Variants in QTMAN observed in about 807,000 individuals in gnomAD.
The protein encoded by QTMAN is queuosine-tRNA mannosyltransferase, also known as tRNA-queuosine alpha-mannosyltransferase.
chr2:144,018,816 C>A, the QTMAN span, among the ~76,000 whole-genome samples: 2 of 152,076 alleles, frequency 1.3e-5, no homozygotes, highest in Admixed American at 1.3e-4. Flanking sequence ...GTGCTTCAAT[C>A]AGGAAAGAAT....
the QTMAN span, among the ~76,000 whole-genome samples, chr2:144,019,433 C>CAGGTGTGT: frequency 5.9e-5 from 4 of 67,472 alleles, no homozygotes; most frequent in South Asian, 2.8e-3. Flanking sequence ...CATAAGCATG[C>CAGGTGTGT]AGGTGTGTGT....
chr2:144,230,835 T>C, the QTMAN span, among the ~76,000 whole-genome samples: 10 of 152,224 alleles, frequency 6.6e-5, no homozygotes, highest in African/African-American at 2.4e-4. Context: ...TGAGAAGATT[T>C]AGGACAGGGA....
chr2:144,030,461 T>C, the QTMAN span, among the ~76,000 whole-genome samples: 1 of 152,182 alleles, frequency 6.6e-6, no homozygotes, highest in Non-Finnish European at 1.5e-5. Flanking sequence ...CATGTCCCTT[T>C]GTTTTTTCTT....
chr2:144,209,124 T>C, the QTMAN span, among the ~76,000 whole-genome samples: 2 of 152,242 alleles, frequency 1.3e-5, no homozygotes, highest in East Asian at 3.8e-4. Context: ...ATCACTCACT[T>C]CCTGGTTTGT....
At chr2:144,154,433 T>A in the QTMAN span, among the ~76,000 whole-genome samples, 1 of 152,166 alleles carries the variant, frequency 6.6e-6, no homozygotes, top group East Asian at 1.9e-4. Context: ...GTTTCTAGCT[T>A]ACATAATCAG....
the QTMAN span, among the ~76,000 whole-genome samples, chr2:144,327,452 T>C: frequency 5.9e-5 from 9 of 152,122 alleles, no homozygotes; most frequent in Non-Finnish European, 7.3e-5. Flanking sequence ...CGAGCTACCA[T>C]TGAACTGCAT....
chr2:144,276,699 G>A, the QTMAN span, among the ~76,000 whole-genome samples: 4 of 152,246 alleles, frequency 2.6e-5, no homozygotes, highest in African/African-American at 4.8e-5. Context: ...TCAGGGAAAC[G>A]ACAATGATAA....
At chr2:144,262,606 G>A in the QTMAN span, among the ~76,000 whole-genome samples, 1 of 128,904 alleles carries the variant, frequency 7.8e-6, no homozygotes, top group Non-Finnish European at 1.7e-5. Flanking sequence ...GAGAGGAGGG[G>A]AGGGGAGATA....
the QTMAN span, among the ~76,000 whole-genome samples, chr2:144,318,181 C>A: frequency 7.1e-6 from 1 of 141,246 alleles, no homozygotes; most frequent in Non-Finnish European, 1.5e-5. Context: ...GTGCCTGCTG[C>A]TCTATTTAAA....
At chr2:144,314,999 C>T in the QTMAN span, among the ~76,000 whole-genome samples, 1 of 152,106 alleles carries the variant, frequency 6.6e-6, no homozygotes. Context: ...GATCCTTGTG[C>T]CTCAGCTTCC....
At chr2:144,123,095 AAAAATTGTTAAATTACCT>A in the QTMAN span, among the ~76,000 whole-genome samples, 6 of 152,190 alleles carry the variant, frequency 3.9e-5, no homozygotes, top group Non-Finnish European at 1.5e-5. Flanking sequence ...ATTACTTTTT[AAAAATTGTTAAATTACCT>A]ATCTATAAGG....
At chr2:144,262,163 T>G in the QTMAN span, among the ~76,000 whole-genome samples, 1 of 152,056 alleles carries the variant, frequency 6.6e-6, no homozygotes, top group Non-Finnish European at 1.5e-5. Context: ...TTAGAAAATG[T>G]AAGGTTATTT....
At chr2:144,087,839 T>C in the QTMAN span, among the ~76,000 whole-genome samples, 1,504 of 152,108 alleles carry the variant, frequency 9.9e-3, 25 homozygotes, top group African/African-American at 0.034. Flanking sequence ...CACAGCTCAC[T>C]TCATAGTGAA....
chr2:144,043,539 C>T, the QTMAN span, among the ~76,000 whole-genome samples: 1 of 151,330 alleles, frequency 6.6e-6, no homozygotes, highest in African/African-American at 2.4e-5. Context: ...GAGGCTGAGG[C>T]AGAGAATTCC....
chr2:144,075,963 T>C, the QTMAN span, among the ~76,000 whole-genome samples: 8,659 of 152,328 alleles, frequency 0.057, 324 homozygotes, highest in Middle Eastern at 0.12. Context: ...GAATGTCTTA[T>C]GTATGCCGGG....
chr2:144,109,404 T>C, the QTMAN span, among the ~76,000 whole-genome samples: 1 of 152,186 alleles, frequency 6.6e-6, no homozygotes, highest in Non-Finnish European at 1.5e-5. Flanking sequence ...TCAAGATGGA[T>C]TAAAGACTTA....
At chr2:144,232,662 T>G in the QTMAN span, among the ~76,000 whole-genome samples, 1 of 152,212 alleles carries the variant, frequency 6.6e-6, no homozygotes, top group African/African-American at 2.4e-5. Context: ...TTATCTTGAT[T>G]GCAAAACTAA....
At chr2:144,318,466 G>A in the QTMAN span, among the ~76,000 whole-genome samples, 20 of 152,244 alleles carry the variant, frequency 1.3e-4, no homozygotes, top group Non-Finnish European at 2.6e-4. Flanking sequence ...TTCAGTTACA[G>A]GCATTGCTTC....
the QTMAN span, among the ~76,000 whole-genome samples, chr2:144,201,846 G>A: frequency 5.9e-5 from 9 of 152,278 alleles, no homozygotes; most frequent in African/African-American, 2.2e-4. Flanking sequence ...TCCTAAAGAA[G>A]GGGAGTGTTA....
Sources: gnomAD v4.1 joint callset for allele counts (sites outside exome capture counted in the v4.1 genomes callset) on GRCh38, gnomAD v4.1.1 for gene constraint, MANE v1.5 for transcripts, NCBI Gene and HGNC (gene_info 2026-07-23, HGNC 2026-07-21) for gene names.